The following MAP2K2 variants were observed in gnomAD, a reference collection of about 807,000 sequenced individuals.
MAP2K2 encodes mitogen-activated protein kinase kinase 2, also known as dual specificity mitogen-activated protein kinase kinase 2.
Under a neutral mutation model 43.7 loss-of-function variants are expected in MAP2K2, and 24 were observed. That is an observed-to-expected ratio of 0.55 (90% CI 0.40 to 0.77). The LOEUF is 0.77. Ranked by LOEUF, MAP2K2 falls within the 30% of genes least tolerant of loss-of-function variation. The pLI, the probability that MAP2K2 is intolerant of heterozygous loss-of-function variation, is 0.00. For synonymous variants in MAP2K2, 244 were observed against 239.7 expected (o/e 1.02, Z -0.17); for missense variants, 470 against 566.8 (o/e 0.83, Z 1.73).
intron 7 of MAP2K2, among the ~76,000 whole-genome samples, chr19:4,098,092 G>A (rs555078946): frequency 6.6e-5 from 10 of 152,350 alleles, no homozygotes; most frequent in Non-Finnish European, 1.0e-4. Flanking sequence ...TGGCCTGTTC[G>A]TGTCATAAAA....
rs774467785 is a variant in MAP2K2, at chr19:4,100,997, G to C, written c.705+22C>G. ...AGAGCAGCAGGGAGGAGAGCTGGAG[G>C]GGAGAGCCAGCGGGGACTCACAGCC... is the stretch of plus-strand genomic sequence containing the variant. On this transcript the variant is annotated intron_variant, in intron 6 of 10. Coordinates refer to ENST00000262948, the MANE Select transcript of MAP2K2 (RefSeq NM_030662.4). The C allele has an allele frequency of 1.9e-6, 3 of 1,552,182 alleles. No individual in the cohort carries two copies. In the African/African-American group the frequency reaches 4.1e-5, roughly 21 times the overall value.
At chr19:4,112,639 C>T (rs1244830260) in intron 2 of MAP2K2, among the ~76,000 whole-genome samples, 3 of 149,210 alleles carry the variant, frequency 2.0e-5, no homozygotes, top group Admixed American at 6.6e-5. Flanking sequence ...CCACCTTGAC[C>T]GCAGCCCTGG....
chr19:4,101,505 C>T lies in MAP2K2; in HGVS notation c.529-225G>A, dbSNP rs41276856. ...GCAAGTCAACCCCGGTTCCCATGGC[C>T]GCAGTGCCGCCGATGCCACTACTGC... is the stretch of plus-strand genomic sequence containing the variant. On this transcript the variant is annotated intron_variant, in intron 4 of 10. Transcript: ENST00000262948. This position sits in a 1 kb window ranked among gnomAD's most constrained non-coding sequence, Gnocchi z 6.3. Among the ~76,000 whole-genome samples, 46 of 152,310 alleles carry T rather than the reference C, an allele frequency of 3.0e-4. 1 individual carries two copies. Among genetic ancestry groups the T allele is most frequent in the Non-Finnish European group, 4.4e-4 (30 of 68,026 alleles).
intron 6 of MAP2K2, chr19:4,099,726 C>A (rs902652235): frequency 6.8e-6 from 3 of 438,306 alleles, no homozygotes; most frequent in Non-Finnish European, 1.2e-5. Context: ...CCACAGCTAA[C>A]ATCTCAGAGG....
At chr19:4,110,739 T>C (rs2041144405) in intron 2 of MAP2K2, 84 bp from the exon 3 acceptor site, 1 of 1,491,972 alleles carries the variant, frequency 6.7e-7, no homozygotes, top group Admixed American at 1.9e-5. Context: ...CTGCAGGCGT[T>C]CCCAACAGTG....
intron 7 of MAP2K2, among the ~76,000 whole-genome samples, chr19:4,098,406 G>A (rs1390133082): frequency 6.6e-6 from 1 of 152,108 alleles, no homozygotes; most frequent in Non-Finnish European, 1.5e-5. Flanking sequence ...TGAGTTGTGG[G>A]GTGTGTGCTT....
In MAP2K2 at chr19:4,099,233, G is replaced by A; in HGVS notation, c.887C>T (p.Pro296Leu). ...GEEGEPHSIS[P>L]RPRPPGRPVS... ...GGGGCGCCCGGGGGGCCTCGGCCGA[G>A]GCGAGATGCTGTGAGGCTCTCCTTC... The change falls in exon 7 of 11, where the codon CCT becomes CTT. Residue 296 changes from proline (P) to leucine (L), a missense_variant. By Grantham distance (98) the Pro-to-Leu change is moderately conservative. Coordinates refer to ENST00000262948, the MANE Select transcript of MAP2K2 (RefSeq NM_030662.4). 1 of 1,605,338 alleles carries A rather than the reference G, an allele frequency of 6.2e-7. No homozygotes were observed. The highest frequency in any genetic ancestry group is 1.1e-5 in the South Asian group (1 of 89,998).
chr19:4,090,843 G>A (rs2040848171), intron 10 of MAP2K2, 135 bp from the exon 11 acceptor site: 1 of 718,744 alleles, frequency 1.4e-6, no homozygotes, highest in Non-Finnish European at 2.6e-6. Flanking sequence ...TTCCCCACAG[G>A]AAGACGCACT....
chr19:4,097,558 A>AT (rs1341821087), intron 7 of MAP2K2, among the ~76,000 whole-genome samples: 48 of 152,176 alleles, frequency 3.2e-4, no homozygotes, highest in African/African-American at 1.1e-3. Context: ...CCTCTAGTGA[A>AT]TTAAAAAAAA....
At chr19:4,110,223 G>C (rs2041136540) in intron 3 of MAP2K2, among the ~76,000 whole-genome samples, 1 of 152,140 alleles carries the variant, frequency 6.6e-6, no homozygotes, top group African/African-American at 2.4e-5. Context: ...AGTATCACTT[G>C]AATCTGGGAG....
intron 9 of MAP2K2, 24 bp from the exon 10 acceptor site, chr19:4,094,522 C>A (rs759488987): frequency 3.8e-6 from 6 of 1,560,268 alleles, no homozygotes; most frequent in Non-Finnish European, 5.2e-6. Context: ...GAGGCAGGAC[C>A]GGGAGGCGGT....
chr19:4,116,692 C>T (rs1343167474), intron 2 of MAP2K2, among the ~76,000 whole-genome samples: 1 of 152,100 alleles, frequency 6.6e-6, no homozygotes, highest in Non-Finnish European at 1.5e-5. Flanking sequence ...ATATAGAGAA[C>T]CGAGGCAGGC....
chr19:4,104,806 C>G (rs1345377031), intron 3 of MAP2K2: 1 of 152,352 alleles, frequency 6.6e-6, no homozygotes, highest in Non-Finnish European at 1.5e-5. Flanking sequence ...GAGCATCGCT[C>G]TCTCTGCAGC....
chr19:4,113,432 G>A (rs1172816673), intron 2 of MAP2K2, among the ~76,000 whole-genome samples: 1 of 152,124 alleles, frequency 6.6e-6, no homozygotes, highest in African/African-American at 2.4e-5. Flanking sequence ...TGGACAGGAG[G>A]GGAGGGGGCG....
chr19:4,110,030 G>A (rs918375386), intron 3 of MAP2K2, among the ~76,000 whole-genome samples: 1 of 152,100 alleles, frequency 6.6e-6, no homozygotes, highest in Non-Finnish European at 1.5e-5. Context: ...TTGGCTGGGC[G>A]CGGTGGCTCA....
At chr19:4,095,047 C>G in intron 9 of MAP2K2, 1 of 373,968 alleles carries the variant, frequency 2.7e-6, no homozygotes, top group Non-Finnish European at 5.0e-6. Context: ...CTCCCAGAAC[C>G]TGCGGGCGGA....
Position 4,101,192 on chromosome 19 carries a change from G to A in MAP2K2, c.580+37C>T. On this transcript the variant is annotated intron_variant, in intron 5 of 10. Coordinates refer to ENST00000262948, the MANE Select transcript of MAP2K2 (RefSeq NM_030662.4). This position sits in a 1 kb window ranked among gnomAD's most constrained non-coding sequence, Gnocchi z 6.3. ...AGGGGCGCCCAACAGTTGCCTGCCG[G>A]CCCCCGGGGCTCTGGGGAGGGCGGG... 6.5e-7 allele frequency: 1 copy of A among 1,534,924 alleles called. No homozygotes were observed. The highest frequency in any genetic ancestry group is 8.8e-7 in the Non-Finnish European group (1 of 1,133,550).
At chr19:4,098,653 C>T (rs554487897) in intron 7 of MAP2K2, among the ~76,000 whole-genome samples, 63 of 152,282 alleles carry the variant, frequency 4.1e-4, no homozygotes, top group African/African-American at 1.3e-3. Context: ...CCCTAAGTGC[C>T]GGATTGTCCT....
At chr19:4,118,652 T>C (rs531074839) in intron 1 of MAP2K2, among the ~76,000 whole-genome samples, 2 of 152,058 alleles carry the variant, frequency 1.3e-5, no homozygotes, top group East Asian at 3.9e-4. Context: ...GTGAGACCTA[T>C]AGCCGAGCAC....
Sources: gnomAD v4.1 joint callset for allele counts (sites outside exome capture counted in the v4.1 genomes callset) on GRCh38, gnomAD v4.1.1 for gene constraint, Gnocchi (gnomAD v3.1) non-coding constraint, MANE v1.5 for transcripts, NCBI Gene and HGNC (gene_info 2026-07-23, HGNC 2026-07-21) for gene names.